The following SF3B1 variants were observed in gnomAD, a reference collection of about 807,000 sequenced individuals.
SF3B1 encodes splicing factor 3b subunit 1, also known as pre-mRNA processing 10.
A neutral mutation model predicts 153.8 loss-of-function variants in SF3B1; 12 were observed. The ratio of observed to expected loss-of-function variants is 0.08; its 90% CI spans 0.05 to 0.13. The LOEUF (loss-of-function observed/expected upper bound fraction) is 0.13, where lower values mean the gene tolerates loss of function less well. Ranked by LOEUF, SF3B1 falls within the 10% of genes least tolerant of loss-of-function variation. The pLI is 1.00. For missense variants in SF3B1, 513 were observed against 1,606.1 expected (o/e 0.32, Z 11.63); for synonymous variants, 498 against 525.2 (o/e 0.95, Z 0.71).
In SF3B1 at chr2:197,434,985, G is replaced by A; in HGVS notation, c.15C>T (p.Ala5=). ...AAGACCGCTTACCTTCGTGAGTCTT[G>A]GCGATCTTCGCCATTTTGTCCACTC... MAKI[A]KTHEDIEAQI... is the part of the protein sequence containing the mutation. Residue 5 remains alanine (A), a synonymous_variant, in exon 1 of 25, where the codon GCC becomes GCT. Coordinates refer to ENST00000335508, the MANE Select transcript of SF3B1 (RefSeq NM_012433.4). The A allele has an allele frequency of 1.9e-6, 3 of 1,614,248 alleles. No homozygotes were observed. The highest frequency in any genetic ancestry group is 2.5e-6 in the Non-Finnish European group (3 of 1,180,020).
At chr2:197,399,868 G>A (rs2084920229) in intron 20 of SF3B1, among the ~76,000 whole-genome samples, 187 bp downstream of exon 20, 1 of 151,532 alleles carries the variant, frequency 6.6e-6, no homozygotes, top group African/African-American at 2.4e-5. Flanking sequence ...TCTCTTTAAA[G>A]TAAAATATAA....
intron 9 of SF3B1, among the ~76,000 whole-genome samples, chr2:197,406,259 T>C (rs544249823): frequency 6.5e-4 from 99 of 151,470 alleles, no homozygotes; most frequent in African/African-American, 2.3e-3. Context: ...ATTTAATATA[T>C]AGTAAAAGAA....
At chr2:197,399,937 T>C in intron 20 of SF3B1, 118 bp downstream of exon 20, 1 of 677,854 alleles carries the variant, frequency 1.5e-6, no homozygotes, top group Non-Finnish European at 2.5e-6. Flanking sequence ...AATCTTGAAG[T>C]GCTTTTAAAA....
intron 5 of SF3B1, among the ~76,000 whole-genome samples, chr2:197,417,209 C>T (rs2085160775): frequency 6.6e-6 from 1 of 151,962 alleles, no homozygotes; most frequent in Non-Finnish European, 1.5e-5. Flanking sequence ...ATAATGCTTC[C>T]ACTGAAAAAT....
At chr2:197,424,454 T>G (rs2085299366) in intron 1 of SF3B1, among the ~76,000 whole-genome samples, 1 of 148,370 alleles carries the variant, frequency 6.7e-6, no homozygotes, top group African/African-American at 2.5e-5. Context: ...ATCACACCAC[T>G]GCACTCCAAC....
At chr2:197,425,926 G>A (rs1050011230) in intron 1 of SF3B1, among the ~76,000 whole-genome samples, 5 of 152,122 alleles carry the variant, frequency 3.3e-5, no homozygotes, top group African/African-American at 1.2e-4. Flanking sequence ...TTGAGCCCAG[G>A]AGGTCAAGGC....
rs1433821687 is a variant in SF3B1 at position 197,401,533 on chromosome 2, G to T, written c.2371-8C>A. On this transcript the variant is annotated splice_region_variant and splice_polypyrimidine_tract_variant and intron_variant, in intron 16 of 24. Transcript: ENST00000335508. This position sits in a 1 kb window ranked among gnomAD's most constrained non-coding sequence, Gnocchi z 4.2. ...ACAACACTGTTTTACCACCTAAAAG[G>T]TTAAGAAATAGTAATAATAAATCAA... 4.4e-6 allele frequency: 7 copies of T among 1,606,330 alleles called. No individual in the cohort carries two copies. The African/African-American group carries it at 6.7e-5, about 15-fold the overall frequency.
intron 11 of SF3B1, among the ~76,000 whole-genome samples, chr2:197,404,183 T>C (rs1382066330): frequency 6.6e-6 from 1 of 152,186 alleles, no homozygotes; most frequent in Non-Finnish European, 1.5e-5. Flanking sequence ...CCAAAGAATT[T>C]TGTGCTAACT....
chr2:197,420,377 CTT>C, intron 4 of SF3B1, 49 bp downstream of exon 4: 1 of 1,404,802 alleles, frequency 7.1e-7, no homozygotes, highest in Non-Finnish European at 1.0e-6. Context: ...CTAAAGACAA[CTT>C]AATACAAATA....
Position 197,423,987 on chromosome 2 carries a change from A to T in SF3B1, c.29-13T>A. ...TGTGCTTCAATATCTATAAAAAGAT[A>T]ACACAGACTTTCTTAATTTCACTTT... On this transcript the variant is annotated splice_polypyrimidine_tract_variant and intron_variant, in intron 1 of 24. Transcript: ENST00000335508. 1 of 1,592,856 alleles carries T rather than the reference A, an allele frequency of 6.3e-7. No individual in the cohort carries two copies. Among genetic ancestry groups the T allele is most frequent in the Non-Finnish European group, 8.5e-7 (1 of 1,174,720 alleles).
At chr2:197,416,192 T>G (rs978768795) in intron 6 of SF3B1, among the ~76,000 whole-genome samples, 1 of 151,532 alleles carries the variant, frequency 6.6e-6, no homozygotes, top group African/African-American at 2.4e-5. Context: ...CATTGACTAT[T>G]TGCTGCCAGT....
chr2:197,426,721 GCC>G (rs1559279170), intron 1 of SF3B1, among the ~76,000 whole-genome samples: 1 of 152,132 alleles, frequency 6.6e-6, no homozygotes, highest in African/African-American at 2.4e-5. Context: ...AGGCTGTGAA[GCC>G]CAGGATTCTG....
At chr2:197,398,801 T>A in intron 20 of SF3B1, 1 of 544,008 alleles carries the variant, frequency 1.8e-6, no homozygotes, top group Non-Finnish European at 3.3e-6. Flanking sequence ...TGAAGTGATT[T>A]AAAGGATGAT....
chr2:197,427,844 C>A (rs976484189), intron 1 of SF3B1, among the ~76,000 whole-genome samples: 3 of 151,920 alleles, frequency 2.0e-5, no homozygotes, highest in Admixed American at 2.0e-4. Flanking sequence ...GATGGTGAAA[C>A]CCCATCTCTA....
At chr2:197,432,504 A>C (rs910049298) in intron 1 of SF3B1, among the ~76,000 whole-genome samples, 1 of 152,240 alleles carries the variant, frequency 6.6e-6, no homozygotes, top group African/African-American at 2.4e-5. Flanking sequence ...CCTGGAAAGC[A>C]TAAGCCACAT....
rs1192223507 is a variant in SF3B1 at position 197,402,441 on chromosome 2, G to A, written c.2077+115C>T. 3.4e-6 allele frequency: 3 copies of A among 885,620 alleles called. No individual in the cohort carries two copies. Among genetic ancestry groups the A allele is most frequent in the Non-Finnish European group, 5.1e-6 (3 of 589,408 alleles). 54.9% of individuals were successfully genotyped at this position (885,620 alleles called of 1,614,324 possible). ...TGTACCTCTAGTCCCAACTACTAAG[G>A]AGGCTGAGCAGGAGGATCACTTGAG... On this transcript the variant is annotated intron_variant, in intron 14 of 24. Transcript: ENST00000335508. The surrounding 1 kb of genome is among the most constrained non-coding windows in gnomAD (Gnocchi z 4.6).
intron 6 of SF3B1, chr2:197,416,497 A>G (rs1452273504): frequency 2.5e-6 from 1 of 393,944 alleles, no homozygotes; most frequent in African/African-American, 2.0e-5. Context: ...GAGCATGGAC[A>G]ACAGAGCTTG....
At chr2:197,418,646 C>A in intron 4 of SF3B1, 58 bp from the exon 5 acceptor site, 1 of 1,577,762 alleles carries the variant, frequency 6.3e-7, no homozygotes, top group Non-Finnish European at 8.6e-7. Flanking sequence ...TAAGCAGGTT[C>A]AACTGATTTA....
intron 9 of SF3B1, among the ~76,000 whole-genome samples, chr2:197,407,230 C>T (rs2085005288): frequency 6.6e-6 from 1 of 152,182 alleles, no homozygotes; most frequent in African/African-American, 2.4e-5. Flanking sequence ...TATACGACCA[C>T]AGACTATCTT....
Sources: allele counts gnomAD v4.1 joint callset (sites outside exome capture counted in the v4.1 genomes callset), GRCh38; gene constraint gnomAD v4.1.1; non-coding constraint Gnocchi (gnomAD v3.1); transcripts MANE v1.5; gene names NCBI Gene and HGNC (gene_info 2026-07-23, HGNC 2026-07-21).